Variants in NR2F1-AS1 observed in about 807,000 individuals in gnomAD.
The protein encoded by NR2F1-AS1 is NR2F1 regulatory antisense RNA 1.
chr5:93,438,041 G>A (rs538146674), intron 4 of NR2F1-AS1, among the ~76,000 whole-genome samples: 2 of 152,120 alleles, frequency 1.3e-5, no homozygotes, highest in African/African-American at 4.8e-5. Flanking sequence ...GCATAACAAA[G>A]ATAATGTCAA....
intron 4 of NR2F1-AS1, among the ~76,000 whole-genome samples, chr5:93,531,554 ACCAT>A (rs1751736778): frequency 6.6e-6 from 1 of 152,200 alleles, no homozygotes; most frequent in South Asian, 2.1e-4. Context: ...AATGATCAAT[ACCAT>A]CTCAAAGAAG....
intron 4 of NR2F1-AS1, among the ~76,000 whole-genome samples, chr5:93,513,021 G>A (rs555304441): frequency 2.6e-5 from 4 of 152,114 alleles, no homozygotes; most frequent in East Asian, 1.9e-4. Context: ...GTTAACAAAC[G>A]TTTCCTGTAG....
chr5:93,523,423 T>C (rs1388334644), intron 4 of NR2F1-AS1, among the ~76,000 whole-genome samples: 4 of 152,158 alleles, frequency 2.6e-5, no homozygotes, highest in Admixed American at 2.6e-4. Context: ...TGGGTGCAGC[T>C]TCAGCAGACT....
chr5:93,573,874 C>T (rs1055764645), intron 1 of NR2F1-AS1, among the ~76,000 whole-genome samples: 1 of 152,170 alleles, frequency 6.6e-6, no homozygotes, highest in Non-Finnish European at 1.5e-5. Context: ...GCACCACAGA[C>T]CTTTTTAAGT....
chr5:93,545,377 G>A (rs1752059830), intron 4 of NR2F1-AS1, among the ~76,000 whole-genome samples: 1 of 152,194 alleles, frequency 6.6e-6, no homozygotes, highest in Non-Finnish European at 1.5e-5. Context: ...ACCCTACAAA[G>A]TGGCTAGAAA....
At chr5:93,582,009 C>G, upstream of NR2F1-AS1, among the ~76,000 whole-genome samples, 1 of 136,480 alleles carries the variant, frequency 7.3e-6, no homozygotes, top group African/African-American at 2.8e-5. Flanking sequence ...TCTCTTCTCT[C>G]TCTCTCTCTC....
At chr5:93,554,012 T>C (rs182701005) in intron 3 of NR2F1-AS1, 156 of 152,352 alleles carry the variant, frequency 1.0e-3, no homozygotes, top group African/African-American at 3.6e-3. Context: ...TATGATTCTT[T>C]CATTAAAAAT....
At chr5:93,583,673 T>G (rs1011902473), upstream of NR2F1-AS1, 3 of 152,078 alleles carry the variant, frequency 2.0e-5, no homozygotes, top group Non-Finnish European at 2.9e-5. Flanking sequence ...AGAACATTTT[T>G]GGGCGATCTC....
At position 93,465,107 on chromosome 5, in the gene NR2F1-AS1, G is replaced by A. The variant is rs185412579; in HGVS notation, n.639-69565C>T. 1.3e-3 allele frequency among the ~76,000 whole-genome samples: 193 copies of A among 152,296 alleles called. 1 individual carries two copies. Among genetic ancestry groups the A allele is most frequent in the African/African-American group, 4.3e-3 (178 of 41,570 alleles). On this transcript the variant is annotated intron_variant and non_coding_transcript_variant, in intron 4 of 5. Coordinates refer to ENST00000660523, the Ensembl canonical transcript of NR2F1-AS1. ...AATTAAACTAAAGAGTTTCTGCACAGCAAAAGAAATTATCATCAGAGTGAA... is the reference window on the plus strand; with the variant it reads ...AATTAAACTAAAGAGTTTCTGCACAACAAAAGAAATTATCATCAGAGTGAA...
chr5:93,517,809 A>G (rs544870050), intron 4 of NR2F1-AS1, among the ~76,000 whole-genome samples: 1 of 152,222 alleles, frequency 6.6e-6, no homozygotes, highest in South Asian at 2.1e-4. Context: ...ATTGGCCACC[A>G]ATACTTTTAT....
At chr5:93,540,084 A>G (rs1206674334) in intron 4 of NR2F1-AS1, among the ~76,000 whole-genome samples, 1 of 152,194 alleles carries the variant, frequency 6.6e-6, no homozygotes, top group Non-Finnish European at 1.5e-5. Context: ...GATTAACTCA[A>G]TAAATTTCTA....
chr5:93,573,493 C>G lies in NR2F1-AS1; in HGVS notation n.313+6974G>C, dbSNP rs553308494. 1.9e-3 allele frequency among the ~76,000 whole-genome samples: 284 copies of G among 152,238 alleles called. 1 individual carries two copies. The highest frequency in any genetic ancestry group is 6.6e-3 in the African/African-American group (275 of 41,546). On this transcript the variant is annotated intron_variant and non_coding_transcript_variant, in intron 1 of 5. Transcript: ENST00000660523. The stretch of plus-strand genomic sequence containing the variant: ...CGACTATCACACGCAACTGGGAGAT[C>G]CTGGAAGACGGAGGAAAAACGAACA...
rs1416283554 is a variant in NR2F1-AS1 at position 93,496,369 on chromosome 5, CAAG to C, written n.638+57389_638+57391del. ...AGAGTCCAGGGAAAATATATATTGG[CAAG>C]AAGTCTATTCAAAAAATCAGCATGT... On this transcript the variant is annotated intron_variant and non_coding_transcript_variant, in intron 4 of 5. Coordinates refer to ENST00000660523, the Ensembl canonical transcript of NR2F1-AS1. Among the ~76,000 whole-genome samples the C allele has an allele frequency of 2.0e-5, 3 of 152,226 alleles. No homozygotes were observed. In the South Asian group the frequency reaches 6.2e-4, roughly 32 times the overall value.
At chr5:93,523,756 G>C (rs1751554016) in intron 4 of NR2F1-AS1, among the ~76,000 whole-genome samples, 1 of 152,186 alleles carries the variant, frequency 6.6e-6, no homozygotes, top group Non-Finnish European at 1.5e-5. Flanking sequence ...ACCTGTAGCA[G>C]AGAAGCCTGA....
At chr5:93,490,589 ATGGTGGTGGTGGCGGTGGCAGTGG>A (rs574052659) in intron 4 of NR2F1-AS1, among the ~76,000 whole-genome samples, 1,221 of 105,356 alleles carry the variant, frequency 0.012, 3 homozygotes, top group Non-Finnish European at 0.018. Flanking sequence ...GGTGGTGGTG[ATGGTGGTGGTGGCGGTGGCAGTGG>A]TGGTGGTGGT....
chr5:93,443,014 G>A (rs1259736523), intron 4 of NR2F1-AS1, among the ~76,000 whole-genome samples: 1 of 152,186 alleles, frequency 6.6e-6, no homozygotes, highest in Non-Finnish European at 1.5e-5. Flanking sequence ...AAACAGAAAG[G>A]ACGTCCACAC....
chr5:93,545,340 C>G (rs1309370443), intron 4 of NR2F1-AS1, among the ~76,000 whole-genome samples: 1 of 152,198 alleles, frequency 6.6e-6, no homozygotes, highest in Non-Finnish European at 1.5e-5. Flanking sequence ...TACTGGTGAC[C>G]TACCCCCAGT....
intron 4 of NR2F1-AS1, among the ~76,000 whole-genome samples, chr5:93,488,365 AT>A (rs1479670775): frequency 6.6e-6 from 1 of 152,214 alleles, no homozygotes; most frequent in Non-Finnish European, 1.5e-5. Flanking sequence ...AATATCCAGA[AT>A]CTACAAGGAA....
chr5:93,439,680 C>A (rs536104325), intron 4 of NR2F1-AS1, among the ~76,000 whole-genome samples: 1 of 152,200 alleles, frequency 6.6e-6, no homozygotes, highest in East Asian at 1.9e-4. Context: ...TCAGACCAAG[C>A]CTCCATCCTC....
Sources: allele counts gnomAD v4.1 joint callset (sites outside exome capture counted in the v4.1 genomes callset), GRCh38; gene constraint gnomAD v4.1.1; transcripts MANE v1.5; gene names NCBI Gene and HGNC (gene_info 2026-07-23, HGNC 2026-07-21).